The following PAX6 variants were observed in gnomAD, a reference collection of about 807,000 sequenced individuals.
The protein encoded by PAX6 is paired box 6.
In PAX6, 7 loss-of-function variants were observed where a neutral mutation model predicts 60.7. That is an observed-to-expected ratio of 0.12 (90% confidence interval 0.07 to 0.22). The LOEUF (loss-of-function observed/expected upper bound fraction) is 0.22. Ranked by LOEUF, PAX6 falls within the 10% of genes least tolerant of loss-of-function variation. The pLI is 1.00. For missense variants in PAX6, 355 were observed against 555.2 expected (o/e 0.64, Z 3.62); for synonymous variants, 208 against 201.2 (o/e 1.03, Z -0.29).
At chr11:31,813,397 G>A (rs572715511), upstream of PAX6, among the ~76,000 whole-genome samples, 36 of 105,510 alleles carry the variant, frequency 3.4e-4, no homozygotes, top group East Asian at 9.9e-3. Context: ...GGCGGGGGGG[G>A]GGGAAGTGAT....
At chr11:31,791,682 A>C (rs1950029183) in intron 12 of PAX6, 1 of 152,236 alleles carries the variant, frequency 6.6e-6, no homozygotes, top group South Asian at 2.1e-4. Flanking sequence ...TCTTCTCTGC[A>C]AACTGGAGAA....
chr11:31,796,489 G>C (rs1044434363), intron 8 of PAX6, among the ~76,000 whole-genome samples: 1 of 150,318 alleles, frequency 6.7e-6, no homozygotes, highest in Admixed American at 6.6e-5. Flanking sequence ...AGGGTGGATG[G>C]GGGGGCCAGG....
upstream of PAX6, chr11:31,812,353 T>G (rs1957138696): frequency 6.5e-6 from 1 of 153,044 alleles, no homozygotes; most frequent in Non-Finnish European, 1.4e-5. Flanking sequence ...CCACTGGCGA[T>G]GTCGGTATGT....
upstream of PAX6, among the ~76,000 whole-genome samples, chr11:31,813,389 CGG>C (rs71463328): frequency 2.7e-4 from 12 of 44,150 alleles, no homozygotes; most frequent in African/African-American, 8.9e-4. Context: ...TGCGGGGGGG[CGG>C]GGGGGGGGGA....
chr11:31,802,881 CAG>C (rs1237861390), intron 4 of PAX6, 47 bp from the exon 5 acceptor site: 4 of 1,577,792 alleles, frequency 2.5e-6, no homozygotes, highest in Admixed American at 1.7e-5. Context: ...GAGAAGAGAG[CAG>C]AGTGAAGAGG....
At chr11:31,801,529 G>A in intron 7 of PAX6, 32 bp downstream of exon 7, 1 of 1,613,850 alleles carries the variant, frequency 6.2e-7, no homozygotes, top group Non-Finnish European at 8.5e-7. Flanking sequence ...TGGGCTTAGG[G>A]CAGGGAGGGC....
chr11:31,792,390 A>T (rs985819390), intron 12 of PAX6: 1 of 152,236 alleles, frequency 6.6e-6, no homozygotes, highest in Admixed American at 6.5e-5. Flanking sequence ...TTGCTTATCT[A>T]GCTGCTCCTA....
chr11:31,796,001 C>G (rs1592452161), intron 8 of PAX6, among the ~76,000 whole-genome samples: 1 of 152,254 alleles, frequency 6.6e-6, no homozygotes, highest in Admixed American at 6.5e-5. Flanking sequence ...TTATTTATAA[C>G]CAGGAGACAA....
intron 2 of PAX6, chr11:31,809,614 CAAGGA>C: frequency 6.6e-6 from 1 of 152,276 alleles, no homozygotes; most frequent in South Asian, 2.1e-4. Context: ...AAAATCTGCA[CAAGGA>C]AAGAGGCAAC....
At chr11:31,806,297 T>A in intron 4 of PAX6, 105 bp downstream of exon 4, 1 of 1,389,716 alleles carries the variant, frequency 7.2e-7, no homozygotes, top group South Asian at 1.3e-5. Context: ...CCTCAGTCGG[T>A]CGGCGGCCGG....
intron 13 of PAX6, 65 bp downstream of exon 13, chr11:31,790,645 T>C: frequency 6.2e-7 from 1 of 1,608,152 alleles, no homozygotes; most frequent in Non-Finnish European, 8.5e-7. Context: ...CAGGAGATTC[T>C]GTTTGGGTAA....
Position 31,790,756 on chromosome 11 carries a change from T to C in PAX6, c.1179A>G (p.Thr393=). 1 of 1,614,128 alleles carries C rather than the reference T, an allele frequency of 6.2e-7. No homozygotes were observed. The highest frequency in any genetic ancestry group is 1.1e-5 in the South Asian group (1 of 91,076). ...YDTYTPPHMQ[T]HMNSQPMGTS... ...TGCCCATTGGCTGACTGTTCATGTG[T>C]GTCTGCATATGTGGGGGGGTGTAGG... Residue 393 remains threonine (T), a synonymous_variant, in exon 13 of 14, where the codon ACA becomes ACG. Coordinates refer to ENST00000640368, the MANE Select transcript of PAX6 (RefSeq NM_001368894.2).
Position 31,806,429 on chromosome 11 carries a change from G to T in PAX6, c.-18C>A. 1 of 1,609,006 alleles carries T rather than the reference G, an allele frequency of 6.2e-7. No individual in the cohort carries two copies. The highest frequency in any genetic ancestry group is 8.5e-7 in the Non-Finnish European group (1 of 1,177,886). ...TTCTGCATGCTGGCTCTGGCTGGGGGCCGCGGGATTCCACGGGGCTCGAAT... is the reference window on the plus strand; with the variant it reads ...TTCTGCATGCTGGCTCTGGCTGGGGTCCGCGGGATTCCACGGGGCTCGAAT... On this transcript the variant is annotated 5_prime_UTR_variant, in exon 4 of 14. Coordinates refer to ENST00000640368, the MANE Select transcript of PAX6 (RefSeq NM_001368894.2).
chr11:31,815,252 G>T (rs1037016614), upstream of PAX6, among the ~76,000 whole-genome samples: 2 of 152,102 alleles, frequency 1.3e-5, no homozygotes, highest in Admixed American at 6.5e-5. Context: ...TGCAAATAGG[G>T]TTCCTAGAAA....
upstream of PAX6, chr11:31,812,805 C>A (rs1024203943): frequency 1.3e-5 from 2 of 152,376 alleles, no homozygotes; most frequent in Non-Finnish European, 2.9e-5. Context: ...ACGCTAGACT[C>A]TTCTTGACTT....
intron 8 of PAX6, among the ~76,000 whole-genome samples, chr11:31,796,759 G>A (rs1169426883): frequency 6.6e-6 from 1 of 152,088 alleles, no homozygotes. Context: ...AGAGGAAAAA[G>A]AGACACGAGG....
In PAX6 at chr11:31,811,279, G is replaced by T. The variant is rs893369712; in HGVS notation, c.-481C>A. The T allele has an allele frequency of 2.5e-6, 1 of 398,990 alleles. No individual in the cohort carries two copies. The highest frequency in any genetic ancestry group is 2.1e-5 in the African/African-American group (1 of 48,776). The allele number at this position is 398,990 out of a possible 1,614,324, so 24.7% of individuals were successfully genotyped here. On this transcript the variant is annotated 5_prime_UTR_variant, in exon 1 of 14. Coordinates refer to ENST00000640368, the MANE Select transcript of PAX6 (RefSeq NM_001368894.2). The stretch of plus-strand genomic sequence containing the variant: ...GAACCAGAGCGGGAAATGAGGCCGA[G>T]CCACGGTTCCCTTTTCAAACCCACT...
chr11:31,799,591 T>C (rs1179974822), intron 8 of PAX6, among the ~76,000 whole-genome samples: 1 of 152,200 alleles, frequency 6.6e-6, no homozygotes, highest in Non-Finnish European at 1.5e-5. Context: ...ATTGTTCCCA[T>C]AACAAATTCT....
chr11:31,816,410 C>A (rs977495942), intron 1 of PAX6: 6 of 620,348 alleles, frequency 9.7e-6, no homozygotes, highest in Admixed American at 7.2e-5. Flanking sequence ...TCGCCCTGGG[C>A]GCGGAGCGAG....
Sources: gnomAD v4.1 joint callset for allele counts (sites outside exome capture counted in the v4.1 genomes callset) on GRCh38, gnomAD v4.1.1 for gene constraint, MANE v1.5 for transcripts, NCBI Gene and HGNC (gene_info 2026-07-23, HGNC 2026-07-21) for gene names.